ASIC2: variants seen among roughly 807,000 people sequenced by gnomAD.
ASIC2 encodes the protein acid sensing ion channel subunit 2.
ASIC2 carries 25 observed loss-of-function variants against 57.3 expected under a neutral mutation model. The observed-to-expected ratio is 0.44, with a 90% CI of 0.32 to 0.61. ASIC2 has a LOEUF of 0.61. Among genes scored for constraint, ASIC2 ranks in the 20% least tolerant of loss-of-function variants. The pLI, the probability that ASIC2 is intolerant of heterozygous loss-of-function variation, is 0.06. For missense variants in ASIC2, 641 were observed against 738.1 expected (o/e 0.87, Z 1.52); for synonymous variants, 319 against 307.5 (o/e 1.04, Z -0.39).
chr17:33,699,287 G>A (rs1489577306), intron 1 of ASIC2, among the ~76,000 whole-genome samples: 1 of 152,140 alleles, frequency 6.6e-6, no homozygotes, highest in Non-Finnish European at 1.5e-5. Context: ...CCCATCCTTA[G>A]CGTGGAGCTT....
intron 1 of ASIC2, among the ~76,000 whole-genome samples, chr17:33,480,410 A>G (rs1443150306): frequency 6.6e-6 from 1 of 152,234 alleles, no homozygotes; most frequent in Non-Finnish European, 1.5e-5. Context: ...GAGCCACACA[A>G]GAGAAGAGAC....
At chr17:33,974,400 G>C (rs1197611517) in intron 1 of ASIC2, among the ~76,000 whole-genome samples, 1 of 152,122 alleles carries the variant, frequency 6.6e-6, no homozygotes, top group Non-Finnish European at 1.5e-5. Flanking sequence ...AACCTCAGCT[G>C]GCTTTGCCTG....
intron 1 of ASIC2, among the ~76,000 whole-genome samples, chr17:33,986,467 C>A (rs1232120043): frequency 2.0e-5 from 3 of 152,122 alleles, no homozygotes; most frequent in Non-Finnish European, 4.4e-5. Context: ...TAGTAACTCA[C>A]TGAGAATCCA....
intron 1 of ASIC2, chr17:33,580,164 A>G (rs141611086): frequency 6.6e-6 from 1 of 152,334 alleles, no homozygotes; most frequent in East Asian, 1.9e-4. Flanking sequence ...AGACCACTTT[A>G]TACAGCATCC....
chr17:33,134,935 G>C (rs2092362005), intron 1 of ASIC2, among the ~76,000 whole-genome samples: 1 of 152,326 alleles, frequency 6.6e-6, no homozygotes. Flanking sequence ...AGAGACTTAG[G>C]ATAGCAGAGA....
chr17:33,250,525 A>C (rs966300326), intron 1 of ASIC2, among the ~76,000 whole-genome samples: 29 of 152,250 alleles, frequency 1.9e-4, no homozygotes, highest in African/African-American at 7.0e-4. Context: ...TTCTGCCCCC[A>C]GTCCTGCCGC....
chr17:34,046,781 T>C (rs78795737), intron 1 of ASIC2, among the ~76,000 whole-genome samples: 6,664 of 152,298 alleles, frequency 0.044, 231 homozygotes, highest in East Asian at 0.16. Context: ...TTTGTTGTCT[T>C]TGATTGTAAA....
chr17:33,350,687 A>AAAAGAAAAAGAAAGAAAGAAAGAAAG (rs1908129990), intron 1 of ASIC2, among the ~76,000 whole-genome samples: 1 of 145,556 alleles, frequency 6.9e-6, no homozygotes, highest in Non-Finnish European at 1.5e-5. Context: ...GTGAGAAAAA[A>AAAAGAAAAAGAAAGAAAGAAAGAAAG]AAAGAAAGAA....
intron 1 of ASIC2, among the ~76,000 whole-genome samples, chr17:33,144,169 C>A (rs567938407): frequency 6.7e-6 from 1 of 149,722 alleles, no homozygotes; most frequent in South Asian, 2.1e-4. Context: ...AAAAAAAAAA[C>A]GAAAAACAAA....
intron 3 of ASIC2, among the ~76,000 whole-genome samples, chr17:33,043,615 G>C (rs1184981753): frequency 6.6e-6 from 1 of 152,150 alleles, no homozygotes; most frequent in African/African-American, 2.4e-5. Flanking sequence ...ATTTTGGGAG[G>C]CTTCATATGT....
At chr17:33,641,977 G>GT (rs1906580927) in intron 1 of ASIC2, among the ~76,000 whole-genome samples, 1 of 152,106 alleles carries the variant, frequency 6.6e-6, no homozygotes, top group South Asian at 2.1e-4. Flanking sequence ...TTTATTTTTA[G>GT]TTTTTAGGTA....
At chr17:33,419,066 T>A (rs1475837074) in intron 1 of ASIC2, among the ~76,000 whole-genome samples, 1 of 152,278 alleles carries the variant, frequency 6.6e-6, no homozygotes, top group South Asian at 2.1e-4. Context: ...GAAACCTGCA[T>A]GTCCTACACA....
intron 1 of ASIC2, among the ~76,000 whole-genome samples, chr17:33,782,393 T>A (rs1005329740): frequency 6.6e-6 from 1 of 152,058 alleles, no homozygotes; most frequent in Non-Finnish European, 1.5e-5. Flanking sequence ...CAATTTCCAT[T>A]TGTTAAAAAG....
At chr17:33,246,414 A>G (rs1471601697) in intron 1 of ASIC2, among the ~76,000 whole-genome samples, 2 of 152,208 alleles carry the variant, frequency 1.3e-5, no homozygotes, top group Non-Finnish European at 2.9e-5. Context: ...TGTGCTCTCC[A>G]TAAATGCTGA....
intron 1 of ASIC2, among the ~76,000 whole-genome samples, chr17:33,491,781 C>A (rs1913768119): frequency 6.6e-6 from 1 of 152,210 alleles, no homozygotes; most frequent in Non-Finnish European, 1.5e-5. Context: ...TGCTTCACTC[C>A]TCTGAGAACC....
chr17:33,184,469 C>T (rs1436442850), intron 1 of ASIC2, among the ~76,000 whole-genome samples: 1 of 152,132 alleles, frequency 6.6e-6, no homozygotes, highest in Admixed American at 6.5e-5. Flanking sequence ...GGAACTTTCT[C>T]CATGACATGT....
In ASIC2 at chr17:33,870,240, T is replaced by G. The variant is rs982024667; in HGVS notation, c.555+285738A>C. Among the ~76,000 whole-genome samples the G allele has an allele frequency of 7.9e-5, 11 of 138,990 alleles. No homozygotes were observed. In the South Asian group the frequency reaches 1.3e-3, roughly 17 times the overall value. 91.2% of individuals were successfully genotyped at this position (138,990 alleles called of 152,430 possible). ...AGAAATTCTGTTTTTTTTTTTTTTT[T>G]TTTTTTTTTTTTGTCTAAGCACTTC... is the stretch of plus-strand genomic sequence containing the variant. On this transcript the variant is annotated intron_variant, in intron 1 of 9. Transcript: ENST00000359872.
rs538137827 is a variant in ASIC2 at position 33,055,382 on chromosome 17, C to T, written c.988-26990G>A. ...CCAGGACTCCTCGTTCCTCAACTGT[C>T]GCTTCTGGTTACCAAGGGCCTCTGG... On this transcript the variant is annotated intron_variant, in intron 3 of 9. Transcript: ENST00000225823. Among the ~76,000 whole-genome samples, 4 of 151,940 alleles carry T rather than the reference C, an allele frequency of 2.6e-5. No homozygotes were observed. The South Asian group carries it at 6.2e-4, about 24-fold the overall frequency.
chr17:34,038,826 T>A, intron 1 of ASIC2: 2 of 1,612,246 alleles, frequency 1.2e-6, no homozygotes, highest in South Asian at 2.2e-5. Context: ...GCCTGACCCA[T>A]GGCAGGAGGT....
Sources: allele counts gnomAD v4.1 joint callset (sites outside exome capture counted in the v4.1 genomes callset), GRCh38; gene constraint gnomAD v4.1.1; transcripts MANE v1.5; gene names NCBI Gene and HGNC (gene_info 2026-07-23, HGNC 2026-07-21).